IGSF1: variants seen among roughly 807,000 people sequenced by gnomAD.
IGSF1 encodes the protein immunoglobulin superfamily member 1, also known as immunoglobulin-like domain-containing protein 1.
IGSF1 carries 40 observed loss-of-function variants against 95.3 expected under a neutral mutation model. The observed-to-expected ratio is 0.42, with a 90% confidence interval of 0.33 to 0.55. The LOEUF is 0.55. IGSF1 is among the 20% of genes least tolerant of loss of function. IGSF1 has a pLI of 0.10. For synonymous variants in IGSF1, 372 were observed against 382.9 expected (o/e 0.97, Z 0.33); for missense variants, 906 against 1,025.4 (o/e 0.88, Z 1.59).
chrX:131,280,418 C>T (rs774948810), intron 9 of IGSF1, among the ~76,000 whole-genome samples: 2 of 110,982 alleles, frequency 1.8e-5, no homozygotes, highest in Non-Finnish European at 3.8e-5. Flanking sequence ...AGTTGCAGGG[C>T]GGGGGGTACA....
Position 131,279,156 on chromosome X carries a change from C to G in IGSF1, c.1737G>C (p.Leu579Phe). 1 of 1,210,400 alleles carries G rather than the reference C, an allele frequency of 8.3e-7. No individual in the cohort carries two copies. The highest frequency in any genetic ancestry group is 2.3e-4 in the Middle Eastern group (1 of 4,353). ...GGAAAAACTCACCAGTCTCTTCTAT[C>G]AATACCCCATTGCACAGTCCTGCAA... ...LLCCGLCNGV[L>F]IEETEIVMPT... The change falls in exon 11 of 20, where the codon TTG (leucine) becomes TTC (phenylalanine). Residue 579 changes from leucine to phenylalanine, a missense_variant. Physicochemically the swap from Leu to Phe is conservative, Grantham distance 22. Around this residue, in one of 5 missense-constraint regions of IGSF1, gnomAD observed 442 missense variants for 448.1 expected, o/e 0.99. Coordinates refer to ENST00000361420, the MANE Select transcript of IGSF1 (RefSeq NM_001555.5).
chrX:131,281,169 T>C (rs769606173), intron 9 of IGSF1, 49 bp downstream of exon 9: 6 of 1,196,817 alleles, frequency 5.0e-6, no homozygotes, highest in Middle Eastern at 4.6e-4. Flanking sequence ...TGACTCATTC[T>C]TCAGACTCTG....
In IGSF1 at chrX:131,287,196, G is replaced by T. The variant is rs866970425; in HGVS notation, c.-67-455C>A. On this transcript the variant is annotated intron_variant, in intron 1 of 19. Transcript: ENST00000361420. Reference sequence around the variant, plus strand: ...GTGTGTGTATATATATATATAGAGAGAGAGAGAGAGTCCTCCAACAACTTA... The same window carrying T: ...GTGTGTGTATATATATATATAGAGATAGAGAGAGAGTCCTCCAACAACTTA... Among the ~76,000 whole-genome samples, 82 of 104,508 alleles carry T rather than the reference G, an allele frequency of 7.8e-4. 2 individuals are homozygous for T. The highest frequency in any genetic ancestry group is 2.4e-3 in the African/African-American group (67 of 27,785). 90.8% of individuals were successfully genotyped at this position (104,508 alleles called of 115,157 possible). A position where few individuals can be genotyped will look rare whatever the true frequency, so the allele number is the denominator to read the frequency against.
At chrX:131,275,857 G>A in intron 15 of IGSF1, 92 bp from the exon 16 acceptor site, 1 of 1,145,420 alleles carries the variant, frequency 8.7e-7, no homozygotes, top group Non-Finnish European at 1.2e-6. Context: ...CTTGGGCACG[G>A]TAGTTCCCCT....
chrX:131,283,255 G>T lies in IGSF1; in HGVS notation c.677C>A (p.Pro226His). Residue 226 changes from proline to histidine, a missense_variant, in exon 6 of 20, where the codon CCC becomes CAC. Transcript: ENST00000361420. ...AGGATGGGCTGTCAAAGTTGGTTTG[G>T]GGTAGAGTCCTACAAACGGAAGAGA... ...PLKLVVAGLY[P>H]KPTLTAHPGP... The T allele has an allele frequency of 1.7e-6, 2 of 1,202,466 alleles. No individual in the cohort carries two copies. The highest frequency in any genetic ancestry group is 1.8e-5 in the South Asian group (1 of 56,318).
intron 1 of IGSF1, among the ~76,000 whole-genome samples, chrX:131,288,161 C>T (rs1161936011): frequency 8.9e-6 from 1 of 112,416 alleles, no homozygotes; most frequent in Non-Finnish European, 1.9e-5. Context: ...TTTCAGATTA[C>T]CCACTCTGAA....
At position 131,279,140 on chromosome X, in the gene IGSF1, C is replaced by T; in HGVS notation, c.1750+3G>A. 8.3e-7 allele frequency: 1 copy of T among 1,207,119 alleles called. No individual in the cohort carries two copies. On this transcript the variant is annotated splice_donor_region_variant and intron_variant, in intron 11 of 19. Transcript: ENST00000361420. ...GTCCCAGTCTGGAGCAGGAAAAACT[C>T]ACCAGTCTCTTCTATCAATACCCCA... is the stretch of plus-strand genomic sequence containing the variant.
rs752531861 is a variant in IGSF1 at position 131,273,757 on chromosome X, A to G, written c.*39T>C. ...TTGGATTTATAGGTCTCTGAGAGCA[A>G]GAGAGAGGAGAGGAAAGCTCTTGTA... On this transcript the variant is annotated 3_prime_UTR_variant, in exon 20 of 20. Transcript: ENST00000361420. 4 of 1,175,471 alleles carry G rather than the reference A, an allele frequency of 3.4e-6. No homozygotes were observed. The highest frequency in any genetic ancestry group is 3.4e-6 in the Non-Finnish European group (3 of 870,841).
At chrX:131,277,412 T>G in intron 13 of IGSF1, 186 bp from the exon 14 acceptor site, 1 of 440,662 alleles carries the variant, frequency 2.3e-6, no homozygotes. Flanking sequence ...ACAGGGACCC[T>G]TCAACCCCAC....
chrX:131,285,648 C>T, intron 4 of IGSF1, 119 bp downstream of exon 4: 2 of 854,097 alleles, frequency 2.3e-6, no homozygotes, highest in Non-Finnish European at 3.3e-6. Flanking sequence ...CAAAGTAGGC[C>T]CTTATTTACT....
chrX:131,276,868 C>T, intron 14 of IGSF1, 71 bp downstream of exon 14: 1 of 1,018,439 alleles, frequency 9.8e-7, no homozygotes, highest in Middle Eastern at 3.3e-4. Context: ...ATTTCTTCCT[C>T]TCCCACTGAC....
intron 11 of IGSF1, 70 bp from the exon 12 acceptor site, chrX:131,278,821 C>G (rs2080513502): frequency 9.9e-7 from 1 of 1,011,014 alleles, no homozygotes. Context: ...GCCCTTGAAC[C>G]CTCTACCCAG....
intron 18 of IGSF1, 61 bp downstream of exon 18, chrX:131,274,538 G>A: frequency 8.9e-7 from 1 of 1,117,593 alleles, no homozygotes; most frequent in Admixed American, 2.4e-5. Context: ...TGTCTCCATG[G>A]GGACTGTCCC....
At chrX:131,275,814 T>A (rs2080466238) in intron 15 of IGSF1, 49 bp from the exon 16 acceptor site, 2 of 1,169,012 alleles carry the variant, frequency 1.7e-6, no homozygotes, top group Admixed American at 4.5e-5. Flanking sequence ...AACTTATGAG[T>A]TCCTGCTTAA....
rs747003582 is a variant in IGSF1 at position 131,285,889 on chromosome X, GTCT to G, written c.254_256del (p.Lys85del). 1.2e-5 allele frequency: 15 copies of G among 1,209,544 alleles called. No individual in the cohort carries two copies. The African/African-American group carries it at 2.6e-4, about 21-fold the overall frequency. Reference sequence around the variant, plus strand: ...ACCTATAAGGAATGAAACTTGGAAGGTCTTGTGGGAAGGGCGGATCCAGGTCAT... The same window carrying G: ...ACCTATAAGGAATGAAACTTGGAAGGTGTGGGAAGGGCGGATCCAGGTCAT... On this transcript the variant is annotated inframe_deletion, in exon 4 of 20. Coordinates refer to ENST00000361420, the MANE Select transcript of IGSF1 (RefSeq NM_001555.5).
chrX:131,276,594 C>A (rs2080477819), intron 14 of IGSF1, among the ~76,000 whole-genome samples: 1 of 111,137 alleles, frequency 9.0e-6, no homozygotes, highest in Non-Finnish European at 1.9e-5. Context: ...TCTCTGACAG[C>A]CCAGCTAGAG....
At position 131,281,729 on chromosome X, in the gene IGSF1, C is replaced by A. The variant is rs778724410; in HGVS notation, c.1462G>T (p.Val488Leu). The stretch of plus-strand genomic sequence containing the variant: ...GACCAGATGTTAGGATGTGTCTCTA[C>A]GCGATAGCTGCAACTGTAGGTCCCT... ...GTGTYSCSYR[V>L]ETHPNIWSHR... The change falls in exon 8 of 20, where the codon GTA becomes TTA. Residue 488 changes from valine (V) to leucine (L), a missense_variant. By Grantham distance (32) the Val-to-Leu change is conservative. Around this residue, in one of 5 missense-constraint regions of IGSF1, gnomAD observed 442 missense variants for 448.1 expected, o/e 0.99. Coordinates refer to ENST00000361420, the MANE Select transcript of IGSF1 (RefSeq NM_001555.5). 1.2e-5 allele frequency: 14 copies of A among 1,210,717 alleles called. No homozygotes were observed. The South Asian group carries it at 2.3e-4, about 20-fold the overall frequency.
chrX:131,274,887 A>G lies in IGSF1; in HGVS notation c.3473-10T>C, dbSNP rs371761367. The G allele has an allele frequency of 5.0e-6, 6 of 1,207,067 alleles. No individual in the cohort carries two copies. In the African/African-American group the frequency reaches 1.1e-4, roughly 21 times the overall value. Reference sequence around the variant, plus strand: ...GGTTTAGGGGGCTTATCTGCAACCAACAAGGACACAGAGTTAAAAGAAATG... The same window carrying G: ...GGTTTAGGGGGCTTATCTGCAACCAGCAAGGACACAGAGTTAAAAGAAATG... On this transcript the variant is annotated splice_polypyrimidine_tract_variant and intron_variant, in intron 17 of 19. Coordinates refer to ENST00000361420, the MANE Select transcript of IGSF1 (RefSeq NM_001555.5).
chrX:131,283,891 T>G (rs1169937666), intron 5 of IGSF1, among the ~76,000 whole-genome samples: 1 of 111,892 alleles, frequency 8.9e-6, no homozygotes, highest in Admixed American at 9.5e-5. Context: ...ATCTATTCAT[T>G]AAGGAAGGAT....
Sources: allele counts gnomAD v4.1 joint callset (sites outside exome capture counted in the v4.1 genomes callset), GRCh38; gene constraint gnomAD v4.1.1; regional missense constraint gnomAD v4.1.1; transcripts MANE v1.5; gene names NCBI Gene and HGNC (gene_info 2026-07-23, HGNC 2026-07-21).